RTF1: variants seen among roughly 807,000 people sequenced by gnomAD.
RTF1 encodes the protein RNA polymerase-associated protein RTF1 homolog.
A neutral mutation model predicts 95.7 loss-of-function variants in RTF1; 10 were observed. The observed-to-expected ratio is 0.10, with a 90% confidence interval of 0.06 to 0.18. The LOEUF is 0.18. RTF1 is among the 10% of genes least tolerant of loss of function. The pLI, the probability that RTF1 is intolerant of heterozygous loss-of-function variation, is 1.00. For synonymous variants in RTF1, 305 were observed against 311.8 expected, an observed-to-expected ratio of 0.98 and a Z score of 0.23; for missense variants, 458 against 875.6, an observed-to-expected ratio of 0.52 and a Z score of 6.02.
intron 8 of RTF1, among the ~76,000 whole-genome samples, 194 bp from the exon 9 acceptor site, chr15:41,474,426 G>A (rs1259579301): frequency 6.6e-6 from 1 of 152,154 alleles, no homozygotes; most frequent in Admixed American, 6.6e-5. Context: ...TTCTCCTCCT[G>A]GGCACAAGGC....
At chr15:41,455,191 G>A (rs2140959544) in intron 3 of RTF1, among the ~76,000 whole-genome samples, 1 of 151,868 alleles carries the variant, frequency 6.6e-6, no homozygotes, top group Non-Finnish European at 1.5e-5. Context: ...GTGCCTACCT[G>A]TAATCCCTAA....
At chr15:41,469,681 A>G (rs2050899644) in intron 6 of RTF1, among the ~76,000 whole-genome samples, 1 of 151,828 alleles carries the variant, frequency 6.6e-6, no homozygotes, top group Non-Finnish European at 1.5e-5. Context: ...GCCGGCCACA[A>G]TGCCTGGCTA....
At position 41,417,429 on chromosome 15, in the gene RTF1, C is replaced by T. The variant is rs2050576955; in HGVS notation, c.198+116C>T. 16 of 862,918 alleles carry T rather than the reference C, an allele frequency of 1.9e-5. 1 individual carries two copies. In the South Asian group the frequency reaches 8.9e-4, roughly 48 times the overall value. 53.5% of individuals were successfully genotyped at this position (862,918 alleles called of 1,614,324 possible). On this transcript the variant is annotated intron_variant, in intron 1 of 17. Transcript: ENST00000389629. Reference sequence around the variant, plus strand: ...ACCAGAGCGCCCAGCTCGCCCCGTGCCCTGGGCACCACTACAGCCCCTTTC... The same window carrying T: ...ACCAGAGCGCCCAGCTCGCCCCGTGTCCTGGGCACCACTACAGCCCCTTTC...
chr15:41,435,006 G>C lies in RTF1; in HGVS notation c.199-3315G>C, dbSNP rs192758315. On this transcript the variant is annotated intron_variant, in intron 1 of 17. Transcript: ENST00000389629. The stretch of plus-strand genomic sequence containing the variant: ...GATGGAGTCTCGCTCTGTCGCCCAT[G>C]CTGGAGTGCAGTGGCGTGATCTCAG... 3.6e-3 allele frequency among the ~76,000 whole-genome samples: 540 copies of C among 148,748 alleles called. 6 individuals carry two copies. The highest frequency in any genetic ancestry group is 0.013 in the African/African-American group (516 of 40,224).
At chr15:41,455,916 T>G (rs1018222799) in intron 3 of RTF1, among the ~76,000 whole-genome samples, 3 of 149,058 alleles carry the variant, frequency 2.0e-5, no homozygotes. Flanking sequence ...ACTAAAGAAC[T>G]TATCCATGTA....
chr15:41,465,320 G>A (rs2050875372), intron 5 of RTF1, among the ~76,000 whole-genome samples: 2 of 152,002 alleles, frequency 1.3e-5, no homozygotes. Context: ...ATATGCTACC[G>A]TGCCCGGCTT....
intron 4 of RTF1, among the ~76,000 whole-genome samples, chr15:41,460,762 C>G (rs539188255): frequency 6.6e-6 from 1 of 151,642 alleles, no homozygotes; most frequent in Non-Finnish European, 1.5e-5. Flanking sequence ...GGTGTGAACT[C>G]GGCTCACTAC....
chr15:41,438,332 C>T lies in RTF1; in HGVS notation c.210C>T (p.Ser70=). 1.3e-6 allele frequency: 2 copies of T among 1,549,662 alleles called. No individual in the cohort carries two copies. The highest frequency in any genetic ancestry group is 1.7e-6 in the Non-Finnish European group (2 of 1,145,596). Reference sequence around the variant, plus strand: ...TTTTGTCCCATTAGGAGCTCTTGTCCCTGGCAAAGCGAAAGCGCAGTGACT... The same window carrying T: ...TTTTGTCCCATTAGGAGCTCTTGTCTCTGGCAAAGCGAAAGCGCAGTGACT... ...SDENLDQELL[S]LAKRKRSDSE... is the part of the protein sequence containing the mutation. Residue 70 remains serine, a synonymous_variant, in exon 2 of 18, where the codon TCC becomes TCT. Transcript: ENST00000389629.
intron 1 of RTF1, among the ~76,000 whole-genome samples, chr15:41,426,787 G>A (rs1264541282): frequency 4.3e-5 from 5 of 117,398 alleles, no homozygotes; most frequent in Admixed American, 1.7e-4. Flanking sequence ...ATATATGTGT[G>A]TGTGTGTGTG....
chr15:41,438,463 A>C (rs767218603), intron 2 of RTF1, 32 bp downstream of exon 2: 1 of 1,436,752 alleles, frequency 7.0e-7, no homozygotes, highest in African/African-American at 1.4e-5. Flanking sequence ...TTCTGGGACC[A>C]TTAGATAGTT....
intron 2 of RTF1, among the ~76,000 whole-genome samples, chr15:41,439,002 G>A (rs2050719169): frequency 6.7e-6 from 1 of 148,636 alleles, no homozygotes; most frequent in South Asian, 2.1e-4. Context: ...TGCAGAAGTG[G>A]TACAGTCAGT....
In RTF1 at chr15:41,471,242, C is replaced by T; in HGVS notation, c.1096C>T (p.Arg366Trp). Residue 366 changes from arginine (R) to tryptophan (W), a missense_variant, in exon 8 of 18, where the codon CGG (arginine) becomes TGG (tryptophan). Transcript: ENST00000389629. The stretch of plus-strand genomic sequence containing the variant: ...AGAATTGAATCGGGTTCGATTATCA[C>T]GGCATAAGCTAGAACGCTGGTGTCA... ...PEELNRVRLSRHKLERWCHMP... is the reference protein window; with the variant it reads ...PEELNRVRLSWHKLERWCHMP... The T allele has an allele frequency of 6.2e-7, 1 of 1,613,784 alleles. No individual in the cohort carries two copies. The highest frequency in any genetic ancestry group is 1.1e-5 in the South Asian group (1 of 90,986).
chr15:41,432,167 T>C (rs2050678273), intron 1 of RTF1, among the ~76,000 whole-genome samples: 1 of 151,450 alleles, frequency 6.6e-6, no homozygotes, highest in South Asian at 2.1e-4. Context: ...AGTTGTTTGT[T>C]GATGAAGGAG....
chr15:41,456,446 G>A (rs1192386864), intron 3 of RTF1, among the ~76,000 whole-genome samples: 1 of 149,902 alleles, frequency 6.7e-6, no homozygotes, highest in Non-Finnish European at 1.5e-5. Context: ...TCGAGATCGT[G>A]CCACTGCACT....
chr15:41,477,256 G>A lies in RTF1; in HGVS notation c.1652G>A (p.Arg551His), dbSNP rs2050946452. ...GAGGAACGGGCAGAGGCCCTGGACC[G>A]CCAGCGGACCAAGAACATATCCGCT... ...ELEERAEALD[R>H]QRTKNISAIS... The change falls in exon 13 of 18, where the codon CGC (arginine) becomes CAC (histidine). Residue 551 changes from arginine to histidine, a missense_variant. Physicochemically the swap from Arg to His is conservative, Grantham distance 29. Around this residue, in one of 11 missense-constraint regions of RTF1, gnomAD observed 15 missense variants for 57.1 expected, o/e 0.26. Transcript: ENST00000389629. 6.2e-7 allele frequency: 1 copy of A among 1,614,230 alleles called. No individual in the cohort carries two copies. Among genetic ancestry groups the A allele is most frequent in the Non-Finnish European group, 8.5e-7 (1 of 1,180,036 alleles).
chr15:41,438,951 C>A (rs563227681), intron 2 of RTF1, among the ~76,000 whole-genome samples: 1 of 147,340 alleles, frequency 6.8e-6, no homozygotes, highest in Non-Finnish European at 1.5e-5. Flanking sequence ...GCAGGACATG[C>A]GTAGTCATTC....
intron 1 of RTF1, among the ~76,000 whole-genome samples, chr15:41,418,206 A>G (rs575899644): frequency 2.0e-5 from 3 of 152,342 alleles, no homozygotes; most frequent in Admixed American, 2.0e-4. Flanking sequence ...CGATACAAAG[A>G]TGGTCTCCTT....
chr15:41,434,691 G>A (rs566093302), intron 1 of RTF1, among the ~76,000 whole-genome samples: 1 of 150,756 alleles, frequency 6.6e-6, no homozygotes, highest in Non-Finnish European at 1.5e-5. Context: ...GCAGTGATGC[G>A]ATCTCTGCTC....
At chr15:41,428,769 G>T (rs1265718649) in intron 1 of RTF1, among the ~76,000 whole-genome samples, 1 of 151,376 alleles carries the variant, frequency 6.6e-6, no homozygotes, top group Non-Finnish European at 1.5e-5. Context: ...ACAGAGTCTT[G>T]CTCTGTTGCC....
Sources: gnomAD v4.1 joint callset for allele counts (sites outside exome capture counted in the v4.1 genomes callset) on GRCh38, gnomAD v4.1.1 for gene constraint, gnomAD v4.1.1 regional missense constraint, MANE v1.5 for transcripts, NCBI Gene and HGNC (gene_info 2026-07-23, HGNC 2026-07-21) for gene names.